SEPTIN2: variants seen among roughly 807,000 people sequenced by gnomAD.
SEPTIN2 encodes septin 2.
Under a neutral mutation model 46.5 loss-of-function variants are expected in SEPTIN2, and 34 were observed. The observed-to-expected ratio is 0.73, with a 90% CI of 0.56 to 0.97. SEPTIN2 has a LOEUF of 0.97. Among genes scored for constraint, SEPTIN2 ranks in the 50% least tolerant of loss-of-function variants. SEPTIN2 has a pLI of 0.00. For synonymous variants in SEPTIN2, 175 were observed against 153.4 expected (o/e 1.14, Z -1.04); for missense variants, 347 against 448.4 (o/e 0.77, Z 2.04).
At chr2:241,348,860 A>G (rs2060516472) in intron 11 of SEPTIN2, among the ~76,000 whole-genome samples, 1 of 152,204 alleles carries the variant, frequency 6.6e-6, no homozygotes, top group Non-Finnish European at 1.5e-5. Flanking sequence ...ATTATTCAGT[A>G]AACAATAGGA....
intron 1 of SEPTIN2, among the ~76,000 whole-genome samples, chr2:241,320,678 A>G (rs2076990699): frequency 6.6e-6 from 1 of 152,138 alleles, no homozygotes; most frequent in African/African-American, 2.4e-5. Context: ...AATCTCAGCT[A>G]TTCCGGAGGC....
intron 8 of SEPTIN2, 145 bp downstream of exon 8, chr2:241,343,238 C>T: frequency 3.3e-6 from 2 of 597,908 alleles, no homozygotes; most frequent in Middle Eastern, 5.2e-4. Context: ...GTGGCTCATG[C>T]CTATAATCCC....
At chr2:241,319,537 G>C (rs995723812) in intron 1 of SEPTIN2, among the ~76,000 whole-genome samples, 2 of 152,208 alleles carry the variant, frequency 1.3e-5, no homozygotes, top group Non-Finnish European at 2.9e-5. Flanking sequence ...CTATTGTTTA[G>C]AAAACAGTAT....
chr2:241,335,889 A>G (rs761207865), intron 4 of SEPTIN2, 86 bp from the exon 5 acceptor site: 2 of 1,552,348 alleles, frequency 1.3e-6, no homozygotes, highest in Non-Finnish European at 1.8e-6. Context: ...GAGAGGCAGT[A>G]GACTCTGAAG....
At position 241,325,923 on chromosome 2, in the gene SEPTIN2, C is replaced by CT. The variant is rs1462492674; in HGVS notation, c.10-69dup. 4.9e-6 allele frequency: 7 copies of CT among 1,436,510 alleles called. No individual in the cohort carries two copies. In the Admixed American group the frequency reaches 8.7e-5, roughly 18 times the overall value. 89.0% of individuals were successfully genotyped at this position (1,436,510 alleles called of 1,614,324 possible). ...CTGATAACCTATGTTTGTTTCATGT[C>CT]TAACTGATTATATCTTAAAAGCAAC... On this transcript the variant is annotated intron_variant, in intron 2 of 12. Coordinates refer to ENST00000391971, the MANE Select transcript of SEPTIN2 (RefSeq NM_004404.5).
chr2:241,349,360 T>G (rs1469711578), intron 11 of SEPTIN2, among the ~76,000 whole-genome samples: 1 of 139,934 alleles, frequency 7.1e-6, no homozygotes, highest in East Asian at 2.3e-4. Context: ...AAGAGCAAGA[T>G]CCCATCCCTT....
intron 9 of SEPTIN2, among the ~76,000 whole-genome samples, 181 bp downstream of exon 9, chr2:241,344,078 A>G (rs941028787): frequency 1.3e-5 from 2 of 152,306 alleles, no homozygotes; most frequent in South Asian, 2.1e-4. Flanking sequence ...ACCCTCACCC[A>G]GGGGCCCTCT....
intron 7 of SEPTIN2, among the ~76,000 whole-genome samples, chr2:241,340,107 T>C (rs1175876434): frequency 6.6e-6 from 1 of 152,244 alleles, no homozygotes; most frequent in Non-Finnish European, 1.5e-5. Flanking sequence ...AAAGTAAGTT[T>C]GTAACAATTT....
chr2:241,330,219 T>A (rs1006714661), intron 3 of SEPTIN2, among the ~76,000 whole-genome samples: 36 of 152,044 alleles, frequency 2.4e-4, no homozygotes, highest in African/African-American at 7.7e-4. Flanking sequence ...TCTAAAAAAA[T>A]CACCATGCCA....
Position 241,336,046 on chromosome 2 carries a change from C to G in SEPTIN2, c.289C>G (p.Leu97Val). Reference protein sequence around the residue: ...EIEERGVKLRLTVVDTPGYGD... With the variant: ...EIEERGVKLRVTVVDTPGYGD... ...TGAAGAGCGAGGGGTCAAGCTACGC[C>G]TGACAGTGGTAGATACCCCTGGCTA... is the stretch of plus-strand genomic sequence containing the variant. The change falls in exon 5 of 13, where the codon CTG becomes GTG. Residue 97 changes from leucine to valine, a missense_variant. Transcript: ENST00000391971. 1 of 1,614,044 alleles carries G rather than the reference C, an allele frequency of 6.2e-7. No homozygotes were observed. The highest frequency in any genetic ancestry group is 8.5e-7 in the Non-Finnish European group (1 of 1,179,940).
chr2:241,324,158 TATAC>T (rs1244312432), intron 1 of SEPTIN2, 54 bp from the exon 2 acceptor site: 21 of 1,509,280 alleles, frequency 1.4e-5, no homozygotes, highest in Non-Finnish European at 8.2e-6. Flanking sequence ...TATACGTGCG[TATAC>T]ATACATACTA....
chr2:241,331,586 T>C (rs374772224), intron 3 of SEPTIN2, among the ~76,000 whole-genome samples: 176 of 152,324 alleles, frequency 1.2e-3, no homozygotes, highest in African/African-American at 4.2e-3. Flanking sequence ...AAATGGCATT[T>C]TGTCATATTG....
intron 8 of SEPTIN2, among the ~76,000 whole-genome samples, chr2:241,343,361 T>C (rs1280979105): frequency 1.3e-5 from 2 of 152,062 alleles, no homozygotes; most frequent in African/African-American, 4.8e-5. Flanking sequence ...TAGGTGGATG[T>C]GGTGGTGCAC....
At chr2:241,323,606 TCC>T (rs1487563542) in intron 1 of SEPTIN2, among the ~76,000 whole-genome samples, 2 of 152,206 alleles carry the variant, frequency 1.3e-5, no homozygotes, top group Non-Finnish European at 2.9e-5. Flanking sequence ...CTTGTCTTAT[TCC>T]TAGGGAAATA....
chr2:241,330,462 G>C (rs2078813584), intron 3 of SEPTIN2, among the ~76,000 whole-genome samples: 1 of 152,170 alleles, frequency 6.6e-6, no homozygotes, highest in Non-Finnish European at 1.5e-5. Flanking sequence ...TGGAGGGAGG[G>C]TTTTCTAAAG....
chr2:241,324,273 A>G, intron 2 of SEPTIN2, 32 bp downstream of exon 2: 1 of 1,587,812 alleles, frequency 6.3e-7, no homozygotes, highest in Non-Finnish European at 8.6e-7. Context: ...CTACAGCATA[A>G]GGAGAAATTG....
At chr2:241,338,692 A>G (rs2080516518) in intron 7 of SEPTIN2, among the ~76,000 whole-genome samples, 1 of 118,082 alleles carries the variant, frequency 8.5e-6, no homozygotes, top group South Asian at 2.3e-4. Context: ...CATATGTAAT[A>G]TATATTATAT....
chr2:241,350,256 C>T (rs889446857), intron 12 of SEPTIN2, 53 bp downstream of exon 12: 18 of 833,074 alleles, frequency 2.2e-5, no homozygotes, highest in Admixed American at 3.5e-5. Context: ...AACATTGTGT[C>T]AGCTTAAATA....
At position 241,342,621 on chromosome 2, in the gene SEPTIN2, C is replaced by T. The variant is rs138022661; in HGVS notation, c.595-371C>T. Among the ~76,000 whole-genome samples, 638 of 147,530 alleles carry T rather than the reference C, an allele frequency of 4.3e-3. 6 individuals carry two copies. The highest frequency in any genetic ancestry group is 1.0e-2 in the South Asian group (47 of 4,706). ...AGTGGTCTCAGCTCACTGCAAGCTC[C>T]GCCTCCCGGGTTCACGCCATTCTCC... is the stretch of plus-strand genomic sequence containing the variant. On this transcript the variant is annotated intron_variant, in intron 7 of 12. Transcript: ENST00000391971.
Sources: allele counts gnomAD v4.1 joint callset (sites outside exome capture counted in the v4.1 genomes callset), GRCh38; gene constraint gnomAD v4.1.1; transcripts MANE v1.5; gene names NCBI Gene and HGNC (gene_info 2026-07-23, HGNC 2026-07-21).